Variants in ABCC1 observed in about 807,000 individuals in gnomAD.
ABCC1 encodes multidrug resistance-associated protein 1.
ABCC1 carries 83 observed loss-of-function variants against 172.9 expected under a neutral mutation model. The ratio of observed to expected loss-of-function variants is 0.48; its 90% CI spans 0.40 to 0.58. ABCC1 has a LOEUF of 0.58. Among genes scored for constraint, ABCC1 ranks in the 20% least tolerant of loss-of-function variants. The pLI, the probability that ABCC1 is intolerant of heterozygous loss-of-function variation, is 0.00. For missense variants in ABCC1, 1,817 were observed against 2,002.7 expected, an observed-to-expected ratio of 0.91 and a Z score of 1.77; for synonymous variants, 937 against 825.2, an observed-to-expected ratio of 1.14 and a Z score of -2.32.
At chr16:15,951,718 C>G (rs1272730025) in intron 1 of ABCC1, among the ~76,000 whole-genome samples, 1 of 151,614 alleles carries the variant, frequency 6.6e-6, no homozygotes, top group Non-Finnish European at 1.5e-5. Flanking sequence ...GAGACAGAGT[C>G]TTGCTCTGTC....
At chr16:16,060,557 C>G (rs953121830) in intron 12 of ABCC1, among the ~76,000 whole-genome samples, 2 of 152,120 alleles carry the variant, frequency 1.3e-5, no homozygotes, top group Admixed American at 6.6e-5. Flanking sequence ...GAGTCTCACT[C>G]TGTCACCCAG....
At chr16:15,985,894 C>G (rs1252599660) in intron 1 of ABCC1, among the ~76,000 whole-genome samples, 2 of 152,082 alleles carry the variant, frequency 1.3e-5, no homozygotes, top group African/African-American at 2.4e-5. Flanking sequence ...TGGCCCTGTC[C>G]AGCATCAAGA....
intron 12 of ABCC1, among the ~76,000 whole-genome samples, chr16:16,065,412 C>T (rs566215536): frequency 2.6e-5 from 4 of 152,120 alleles, no homozygotes; most frequent in African/African-American, 9.6e-5. Flanking sequence ...AGGTGCATGC[C>T]ACTATGCTTG....
chr16:15,984,841 A>C (rs1032132982), intron 1 of ABCC1, among the ~76,000 whole-genome samples: 1 of 152,148 alleles, frequency 6.6e-6, no homozygotes, highest in South Asian at 2.1e-4. Context: ...TGTGGGTCAC[A>C]CCTGTAATCC....
At chr16:16,132,992 C>T (rs1220283812) in intron 27 of ABCC1, among the ~76,000 whole-genome samples, 1 of 152,180 alleles carries the variant, frequency 6.6e-6, no homozygotes, top group African/African-American at 2.4e-5. Flanking sequence ...CCCAGTCCCT[C>T]CCTGTCCCAT....
At chr16:15,968,767 G>C (rs975764008) in intron 1 of ABCC1, among the ~76,000 whole-genome samples, 2 of 152,166 alleles carry the variant, frequency 1.3e-5, no homozygotes, top group African/African-American at 4.8e-5. Flanking sequence ...CTGTTGCTCA[G>C]GGTGGAGTGC....
intron 5 of ABCC1, among the ~76,000 whole-genome samples, chr16:16,023,193 C>T (rs1597132018): frequency 6.6e-6 from 1 of 152,192 alleles, no homozygotes; most frequent in African/African-American, 2.4e-5. Context: ...GGATTACAGG[C>T]CTGAGCCACT....
intron 22 of ABCC1, among the ~76,000 whole-genome samples, chr16:16,112,882 CTG>C (rs1181541296): frequency 6.6e-6 from 1 of 152,156 alleles, no homozygotes; most frequent in Non-Finnish European, 1.5e-5. Flanking sequence ...GATGAGGAAA[CTG>C]AGAGATTCAG....
intron 1 of ABCC1, among the ~76,000 whole-genome samples, chr16:16,001,577 C>G (rs1467088157): frequency 6.6e-6 from 1 of 152,032 alleles, no homozygotes; most frequent in Admixed American, 6.6e-5. Flanking sequence ...TTAGATCTGC[C>G]CTATTTATTA....
intron 9 of ABCC1, among the ~76,000 whole-genome samples, chr16:16,046,439 A>G (rs1159684243): frequency 1.3e-5 from 2 of 151,740 alleles, no homozygotes; most frequent in Non-Finnish European, 2.9e-5. Context: ...CTGCCTCCTG[A>G]GTTCAAGCGA....
At chr16:16,126,415 T>TCG (rs2045438200) in intron 26 of ABCC1, among the ~76,000 whole-genome samples, 1 of 152,130 alleles carries the variant, frequency 6.6e-6, no homozygotes, top group Non-Finnish European at 1.5e-5. Context: ...TGATGGAGTC[T>TCG]CACTGTCACC....
In ABCC1 at chr16:16,118,687, G is replaced by A. The variant is rs376589174; in HGVS notation, c.3391-3288G>A. Reference sequence around the variant, plus strand: ...AACAAAGGAAATGATTTTAGCAAAGGACCAAGTTCTAGGTGCACTGTCGTT... The same window carrying A: ...AACAAAGGAAATGATTTTAGCAAAGAACCAAGTTCTAGGTGCACTGTCGTT... On this transcript the variant is annotated intron_variant, in intron 23 of 30. Coordinates refer to ENST00000399410, the MANE Select transcript of ABCC1 (RefSeq NM_004996.4). Among the ~76,000 whole-genome samples, 5 of 151,678 alleles carry A rather than the reference G, an allele frequency of 3.3e-5. No individual in the cohort carries two copies. In the East Asian group the frequency reaches 9.7e-4, roughly 29 times the overall value.
chr16:16,040,064 T>TTGTATGTATGTATGTATGTA (rs10543561), intron 7 of ABCC1, among the ~76,000 whole-genome samples: 3 of 134,780 alleles, frequency 2.2e-5, no homozygotes, highest in African/African-American at 6.0e-5. Flanking sequence ...GTTTGTTTGT[T>TTGTATGTATGTATGTATGTA]TGTATGTATG....
At position 16,130,625 on chromosome 16, in the gene ABCC1, G is replaced by A. The variant is rs548072743; in HGVS notation, c.3820-1164G>A. 2.0e-4 allele frequency among the ~76,000 whole-genome samples: 30 copies of A among 152,214 alleles called. No individual in the cohort carries two copies. The South Asian group carries it at 6.2e-3, about 32-fold the overall frequency. On this transcript the variant is annotated intron_variant, in intron 26 of 30. Transcript: ENST00000399410. ...AAATTTTGCATCAGCCTAAAGATAT[G>A]GATAAGATATACCTCCACTTGCTCT...
chr16:16,097,594 C>T (rs928328411), intron 19 of ABCC1, among the ~76,000 whole-genome samples: 1 of 152,186 alleles, frequency 6.6e-6, no homozygotes, highest in African/African-American at 2.4e-5. Flanking sequence ...CAGATAAATA[C>T]CTCAGACTAG....
chr16:16,090,632 C>T (rs1335593594), intron 19 of ABCC1, 44 bp downstream of exon 19: 10 of 1,507,644 alleles, frequency 6.6e-6, no homozygotes, highest in African/African-American at 1.4e-5. Context: ...GTGTCTGGCA[C>T]CTTGAAGGGC....
At chr16:16,097,978 G>C (rs1042784131) in intron 19 of ABCC1, 4 of 152,326 alleles carry the variant, frequency 2.6e-5, no homozygotes, top group African/African-American at 9.6e-5. Context: ...AACAATTAAG[G>C]GTATCATAGT....
At chr16:15,992,924 G>A (rs991060636) in intron 1 of ABCC1, among the ~76,000 whole-genome samples, 3 of 151,988 alleles carry the variant, frequency 2.0e-5, no homozygotes, top group Non-Finnish European at 4.4e-5. Flanking sequence ...GCCTTTGCCT[G>A]TGCCATCTTT....
rs768964318 is a variant in ABCC1 at position 16,036,468 on chromosome 16, C to G, written c.678-4C>G. The G allele has an allele frequency of 2.5e-6, 4 of 1,612,248 alleles. No homozygotes were observed. The highest frequency in any genetic ancestry group is 3.4e-6 in the Non-Finnish European group (4 of 1,179,076). ...TGCCTAACCCCCTTGTGTCTTGGCC[C>G]CAGGTTGATTGTCCGGGGCTACCGC... is the stretch of plus-strand genomic sequence containing the variant. On this transcript the variant is annotated splice_region_variant and splice_polypyrimidine_tract_variant and intron_variant, in intron 6 of 30. Transcript: ENST00000399410.
Sources: gnomAD v4.1 joint callset for allele counts (sites outside exome capture counted in the v4.1 genomes callset) on GRCh38, gnomAD v4.1.1 for gene constraint, MANE v1.5 for transcripts, NCBI Gene and HGNC (gene_info 2026-07-23, HGNC 2026-07-21) for gene names.